The following SIK3 variants were observed in gnomAD, a reference collection of about 807,000 sequenced individuals.
SIK3 encodes the protein serine/threonine-protein kinase SIK3.
In SIK3, 28 loss-of-function variants were observed where a neutral mutation model predicts 144.2. The observed-to-expected ratio is 0.19, with a 90% CI of 0.14 to 0.27. The LOEUF (loss-of-function observed/expected upper bound fraction) is 0.27, where lower values mean the gene tolerates loss of function less well. Among genes scored for constraint, SIK3 ranks in the 10% least tolerant of loss-of-function variants. SIK3 has a pLI of 1.00. For missense variants in SIK3, 1,319 were observed against 1,776.0 expected (o/e 0.74, Z 4.62); for synonymous variants, 686 against 676.3 (o/e 1.01, Z -0.22).
intron 1 of SIK3, chr11:117,035,671 T>C: frequency 4.5e-6 from 3 of 673,604 alleles, no homozygotes; most frequent in Non-Finnish European, 7.7e-6. Context: ...CCTCCCACCT[T>C]AGCCTCCAGA....
intron 1 of SIK3, among the ~76,000 whole-genome samples, chr11:116,966,608 T>C (rs987386972): frequency 2.6e-5 from 4 of 152,128 alleles, no homozygotes; most frequent in African/African-American, 9.7e-5. Flanking sequence ...AGTTTAAGAT[T>C]TGGGGGCATT....
chr11:116,868,997 T>C (rs1243452489), intron 14 of SIK3: 7 of 152,126 alleles, frequency 4.6e-5, no homozygotes, highest in Non-Finnish European at 8.8e-5. Context: ...AATGTTGGTC[T>C]AAAGAAGAAA....
chr11:117,031,687 ATTTTT>A (rs57524562), intron 1 of SIK3, among the ~76,000 whole-genome samples: 2,667 of 81,342 alleles, frequency 0.033, 19 homozygotes, highest in Non-Finnish European at 0.038. Flanking sequence ...CACCCGGCTA[ATTTTT>A]TTTTTTTTTT....
At chr11:117,033,241 G>C (rs1468675833) in intron 1 of SIK3, among the ~76,000 whole-genome samples, 1 of 152,176 alleles carries the variant, frequency 6.6e-6, no homozygotes, top group African/African-American at 2.4e-5. Context: ...CATTCTATCA[G>C]CACAGCGTGA....
Position 116,847,576 on chromosome 11 carries a change from G to C in SIK3, c.3852C>G (p.Leu1284=). ...CAGAGCTAAGTGCTTTCCCAGCCAC[G>C]AGACTCATTCCTGGCAAGTTATCCA... ...VQLDNLPGMS[L]VAGKALSSAR... The change falls in exon 23 of 25, where the codon CTC becomes CTG. Residue 1284 remains leucine, a synonymous_variant. Transcript: ENST00000445177. The C allele has an allele frequency of 1.2e-6, 2 of 1,614,160 alleles. No homozygotes were observed. The highest frequency in any genetic ancestry group is 1.7e-6 in the Non-Finnish European group (2 of 1,180,034).
chr11:116,887,270 T>C (rs972457409), intron 6 of SIK3, among the ~76,000 whole-genome samples: 4 of 141,816 alleles, frequency 2.8e-5, no homozygotes, highest in African/African-American at 7.7e-5. Context: ...AAAAAAAGTA[T>C]ATAAAACCAA....
In SIK3 at chr11:117,027,014, A is replaced by G. The variant is rs146050835; in HGVS notation, c.274-69950T>C. Among the ~76,000 whole-genome samples, 39 of 152,394 alleles carry G rather than the reference A, an allele frequency of 2.6e-4. No individual in the cohort carries two copies. In the East Asian group the frequency reaches 7.3e-3, roughly 29 times the overall value. ...CTACTTCTTACGGAAAACTTGGAAA[A>G]TACTACCAACGTAATTTTGTTTCAG... On this transcript the variant is annotated intron_variant, in intron 1 of 24. Transcript: ENST00000445177.
At chr11:116,881,466 T>C (rs1357327186) in intron 6 of SIK3, among the ~76,000 whole-genome samples, 1 of 152,162 alleles carries the variant, frequency 6.6e-6, no homozygotes, top group Non-Finnish European at 1.5e-5. Context: ...AGAGCTGCTG[T>C]ATGGGCAGGG....
intron 1 of SIK3, among the ~76,000 whole-genome samples, chr11:117,032,377 T>C (rs7924959): frequency 1.3e-5 from 2 of 152,190 alleles, no homozygotes; most frequent in East Asian, 1.9e-4. Context: ...AAGTCCTATA[T>C]ACGTTTTGTT....
Position 117,024,832 on chromosome 11 carries a change from C to T in SIK3, c.274-67768G>A, listed in dbSNP as rs1425736553. ...GGGAGGATCACTTGAACCCAGGAAG[C>T]GGAGGTTGCAGAGAGCTGAGATCAG... On this transcript the variant is annotated intron_variant, in intron 1 of 24. Coordinates refer to ENST00000445177, the MANE Select transcript of SIK3 (RefSeq NM_001366686.3). Among the ~76,000 whole-genome samples, 7 of 151,766 alleles carry T rather than the reference C, an allele frequency of 4.6e-5. 1 individual carries two copies. The highest frequency in any genetic ancestry group is 3.9e-4 in the Admixed American group (6 of 15,236).
At chr11:116,863,628 C>T in intron 16 of SIK3, 40 bp downstream of exon 16, 1 of 1,612,910 alleles carries the variant, frequency 6.2e-7, no homozygotes, top group Non-Finnish European at 8.5e-7. Flanking sequence ...GCCTCTGTCA[C>T]CCATGCTCCT....
chr11:116,977,321 T>TC (rs1207239518), intron 1 of SIK3, among the ~76,000 whole-genome samples: 1 of 144,608 alleles, frequency 6.9e-6, no homozygotes, highest in Non-Finnish European at 1.5e-5. Context: ...GCTCAAGGCA[T>TC]CCTCCCTCCT....
chr11:116,922,907 CTTTT>C (rs202058609), intron 4 of SIK3, among the ~76,000 whole-genome samples: 9,102 of 102,296 alleles, frequency 0.089, 613 homozygotes, highest in African/African-American at 0.2. Flanking sequence ...TTTCTTTTCT[CTTTT>C]TTTTTTTTTT....
chr11:117,014,244 C>G (rs894084321), intron 1 of SIK3, among the ~76,000 whole-genome samples: 2 of 151,806 alleles, frequency 1.3e-5, no homozygotes, highest in Non-Finnish European at 2.9e-5. Context: ...TCTTACATCT[C>G]TTAGTATCTA....
At chr11:116,974,744 T>A (rs1463997020) in intron 1 of SIK3, among the ~76,000 whole-genome samples, 1 of 152,212 alleles carries the variant, frequency 6.6e-6, no homozygotes. Flanking sequence ...CTTTTAGACA[T>A]AGTTTTGTGA....
At chr11:116,904,143 A>C (rs1238548602) in intron 4 of SIK3, among the ~76,000 whole-genome samples, 1 of 152,178 alleles carries the variant, frequency 6.6e-6, no homozygotes, top group Non-Finnish European at 1.5e-5. Context: ...CTTCTAACAA[A>C]CCAAAGGCAT....
At chr11:117,093,685 A>AG (rs1320198588) in intron 1 of SIK3, among the ~76,000 whole-genome samples, 3 of 152,014 alleles carry the variant, frequency 2.0e-5, no homozygotes, top group Non-Finnish European at 4.4e-5. Flanking sequence ...AAAAAAAAAA[A>AG]AAGTTTAACT....
At chr11:116,951,522 C>T (rs1948935307) in intron 3 of SIK3, among the ~76,000 whole-genome samples, 1 of 152,068 alleles carries the variant, frequency 6.6e-6, no homozygotes, top group African/African-American at 2.4e-5. Context: ...GCCACAATTA[C>T]TTTTTCACCA....
At chr11:117,023,601 C>CA (rs1565567566) in intron 1 of SIK3, among the ~76,000 whole-genome samples, 1 of 36,402 alleles carries the variant, frequency 2.7e-5, no homozygotes, top group East Asian at 6.8e-4. Flanking sequence ...AACAAACAAA[C>CA]AAACAAACAA....
Sources: allele counts gnomAD v4.1 joint callset (sites outside exome capture counted in the v4.1 genomes callset), GRCh38; gene constraint gnomAD v4.1.1; transcripts MANE v1.5; gene names NCBI Gene and HGNC (gene_info 2026-07-23, HGNC 2026-07-21).